Variants in ADGRL2 observed in about 807,000 individuals in gnomAD.
The protein encoded by ADGRL2 is calcium-independent alpha-latrotoxin receptor 2.
A neutral mutation model predicts 157.4 loss-of-function variants in ADGRL2; 44 were observed. That is an observed-to-expected ratio of 0.28 (90% CI 0.22 to 0.36). ADGRL2 has a LOEUF of 0.36. ADGRL2 is among the 10% of genes least tolerant of loss of function. The pLI, the probability that ADGRL2 is intolerant of heterozygous loss-of-function variation, is 1.00. For synonymous variants in ADGRL2, 585 were observed against 624.7 expected (o/e 0.94, Z 0.95); for missense variants, 1,510 against 1,768.9 (o/e 0.85, Z 2.63).
intron 3 of ADGRL2, 43 bp downstream of exon 3, chr1:81,907,273 C>A: frequency 6.6e-7 from 1 of 1,511,248 alleles, no homozygotes; most frequent in Non-Finnish European, 9.2e-7. Flanking sequence ...CTATTGTATC[C>A]AAATTAGAAA....
chr1:81,541,047 A>G lies in ADGRL2; in HGVS notation c.-247-39829A>G, dbSNP rs568428927. On this transcript the variant is annotated intron_variant, in intron 2 of 24. Transcript: ENST00000370721. ...TGTCCAGATGGAAGTGTAAAGGTGA[A>G]TGATATATTGCCCCTGCCCTCTAGG... Among the ~76,000 whole-genome samples the G allele has an allele frequency of 2.0e-5, 3 of 152,320 alleles. No homozygotes were observed. The South Asian group carries it at 6.2e-4, about 32-fold the overall frequency.
chr1:81,635,636 C>T (rs572272548), intron 3 of ADGRL2, among the ~76,000 whole-genome samples: 1 of 152,294 alleles, frequency 6.6e-6, no homozygotes, highest in South Asian at 2.1e-4. Flanking sequence ...GGTAAGAGCT[C>T]TCTCTTGAGC....
chr1:81,767,262 GT>G (rs1292473010), intron 2 of ADGRL2, among the ~76,000 whole-genome samples: 1 of 152,022 alleles, frequency 6.6e-6, no homozygotes, highest in African/African-American at 2.4e-5. Flanking sequence ...GTTGCCTTCA[GT>G]TTTTTGTTTT....
rs79019543 is a variant in ADGRL2, at chr1:81,598,777, G to A, written c.-143+17797G>A. On this transcript the variant is annotated intron_variant, in intron 3 of 24. Transcript: ENST00000370721. ...GCACTCACGCCTCAGTTTCACAGTC[G>A]TGAAATATTTGCATACAGATGTGAA... 8.5e-3 allele frequency among the ~76,000 whole-genome samples: 1,300 copies of A among 152,340 alleles called. 30 individuals carry two copies. Among genetic ancestry groups the A allele is most frequent in the African/African-American group, 0.029 (1,223 of 41,574 alleles).
At chr1:81,313,648 T>C (rs1336046645) in intron 1 of ADGRL2, among the ~76,000 whole-genome samples, 2 of 152,130 alleles carry the variant, frequency 1.3e-5, no homozygotes, top group East Asian at 3.8e-4. Flanking sequence ...ATCAGACAAA[T>C]ATAAAATTCA....
chr1:81,572,569 A>G (rs1380460192), intron 2 of ADGRL2, among the ~76,000 whole-genome samples: 2 of 152,218 alleles, frequency 1.3e-5, no homozygotes, highest in Admixed American at 6.5e-5. Flanking sequence ...CAGGTCCCAA[A>G]GACAATACCT....
chr1:81,977,500 T>G (rs1222332054), intron 17 of ADGRL2, among the ~76,000 whole-genome samples: 1 of 151,826 alleles, frequency 6.6e-6, no homozygotes, highest in Non-Finnish European at 1.5e-5. Flanking sequence ...TCACTTTTAT[T>G]GGAAAGTTGT....
intron 3 of ADGRL2, among the ~76,000 whole-genome samples, chr1:81,918,140 G>T (rs1001738799): frequency 1.3e-5 from 2 of 152,108 alleles, no homozygotes; most frequent in African/African-American, 2.4e-5. Flanking sequence ...TTATTTTTAC[G>T]TGGTTTGTAG....
chr1:81,306,918 G>GA (rs1659378429), intron 1 of ADGRL2, among the ~76,000 whole-genome samples: 2 of 151,578 alleles, frequency 1.3e-5, no homozygotes, highest in Non-Finnish European at 1.5e-5. Flanking sequence ...CATTTTCTGT[G>GA]AAAAATAACT....
At chr1:81,741,887 C>T (rs1046394956) in intron 1 of ADGRL2, among the ~76,000 whole-genome samples, 1 of 151,770 alleles carries the variant, frequency 6.6e-6, no homozygotes, top group African/African-American at 2.4e-5. Context: ...AAACTGCAAA[C>T]TTTGCCAAGG....
At chr1:81,899,843 C>A (rs932157829) in intron 2 of ADGRL2, among the ~76,000 whole-genome samples, 1 of 152,050 alleles carries the variant, frequency 6.6e-6, no homozygotes, top group Admixed American at 6.6e-5. Flanking sequence ...AAGCCATTTC[C>A]CTGACCATCA....
chr1:81,441,043 CCT>C (rs932165981), intron 1 of ADGRL2, among the ~76,000 whole-genome samples: 4 of 152,172 alleles, frequency 2.6e-5, no homozygotes, highest in Admixed American at 6.5e-5. Context: ...TCTCTCAATC[CCT>C]GTTTTGTGTG....
intron 3 of ADGRL2, among the ~76,000 whole-genome samples, chr1:81,691,345 A>G (rs1210635612): frequency 6.6e-6 from 1 of 151,670 alleles, no homozygotes; most frequent in Non-Finnish European, 1.5e-5. Context: ...TTTTAAGCCT[A>G]TAAATTGGTT....
chr1:81,794,592 C>A (rs981006861), intron 2 of ADGRL2, among the ~76,000 whole-genome samples: 3 of 152,148 alleles, frequency 2.0e-5, no homozygotes, highest in Admixed American at 6.5e-5. Context: ...ATTACTGAAT[C>A]CTTTCAGTGC....
chr1:81,664,005 T>A lies in ADGRL2; in HGVS notation c.-143+83025T>A, dbSNP rs74969189. Among the ~76,000 whole-genome samples, 307 of 152,338 alleles carry A rather than the reference T, an allele frequency of 2.0e-3. 1 individual carries two copies. Among genetic ancestry groups the A allele is most frequent in the African/African-American group, 7.0e-3 (290 of 41,578 alleles). ...AAAGCTAGAAAGATCATTGGTATAC[T>A]GTATATTCTGCTGCCCTCTGGTATT... is the stretch of plus-strand genomic sequence containing the variant. On this transcript the variant is annotated intron_variant, in intron 3 of 24. Coordinates refer to the ADGRL2 transcript ENST00000370721.
intron 1 of ADGRL2, among the ~76,000 whole-genome samples, chr1:81,354,368 G>C (rs181227267): frequency 6.6e-6 from 1 of 152,158 alleles, no homozygotes; most frequent in African/African-American, 2.4e-5. Flanking sequence ...AGCTTCCTCT[G>C]TAAATCCATA....
rs1168714979 is a variant in ADGRL2 at position 81,992,133 on chromosome 1, G to A, written c.*988G>A. 6.6e-6 allele frequency: 1 copy of A among 152,442 alleles called. No individual in the cohort carries two copies. The highest frequency in any genetic ancestry group is 1.5e-5 in the Non-Finnish European group (1 of 68,014). The allele number at this position is 152,442 out of a possible 1,614,324, so 9.4% of individuals were successfully genotyped here. A position where few individuals can be genotyped will look rare whatever the true frequency, so the allele number is the denominator to read the frequency against. On this transcript the variant is annotated 3_prime_UTR_variant, in exon 24 of 24. Transcript: ENST00000686636. ...ACCCCTGTTTATTCTTGAACAGAGG[G>A]CAAAGAGGGCACTGGGCACTTCTCA...
At chr1:81,890,022 C>T (rs1374688819) in intron 2 of ADGRL2, among the ~76,000 whole-genome samples, 3 of 152,172 alleles carry the variant, frequency 2.0e-5, no homozygotes, top group Non-Finnish European at 4.4e-5. Flanking sequence ...AAAAACTTAA[C>T]ATTTATTAAT....
chr1:81,659,751 CTGGT>C (rs1298726399), intron 3 of ADGRL2, among the ~76,000 whole-genome samples: 1 of 152,188 alleles, frequency 6.6e-6, no homozygotes, highest in Non-Finnish European at 1.5e-5. Flanking sequence ...GTGCATCCAA[CTGGT>C]TTACCACATT....
Sources: gnomAD v4.1 joint callset for allele counts (sites outside exome capture counted in the v4.1 genomes callset) on GRCh38, gnomAD v4.1.1 for gene constraint, MANE v1.5 for transcripts, NCBI Gene and HGNC (gene_info 2026-07-23, HGNC 2026-07-21) for gene names.